Variants in SPOCK1 observed in about 807,000 individuals in gnomAD.
SPOCK1 encodes the protein testican-1.
Under a neutral mutation model 55.3 loss-of-function variants are expected in SPOCK1, and 23 were observed. The ratio of observed to expected loss-of-function variants is 0.42; its 90% confidence interval spans 0.30 to 0.59. The LOEUF (loss-of-function observed/expected upper bound fraction) is 0.59, where lower values mean the gene tolerates loss of function less well. Among genes scored for constraint, SPOCK1 ranks in the 20% least tolerant of loss-of-function variants. The pLI is 0.22. For synonymous variants in SPOCK1, 226 were observed against 221.0 expected (o/e 1.02, Z -0.20); for missense variants, 499 against 552.5 (o/e 0.90, Z 0.97).
At chr5:137,090,450 G>GGCACACAGGCA (rs1272421633) in intron 5 of SPOCK1, among the ~76,000 whole-genome samples, 1 of 152,176 alleles carries the variant, frequency 6.6e-6, no homozygotes, top group Non-Finnish European at 1.5e-5. Context: ...AGCATAGACT[G>GGCACACAGGCA]TTCAGGGAAC....
chr5:137,143,402 G>C (rs757452408), intron 3 of SPOCK1, among the ~76,000 whole-genome samples: 1 of 152,192 alleles, frequency 6.6e-6, no homozygotes, highest in Non-Finnish European at 1.5e-5. Flanking sequence ...TGAATCAGCT[G>C]AGCAGATCCG....
intron 2 of SPOCK1, among the ~76,000 whole-genome samples, chr5:137,464,298 T>C (rs1561542603): frequency 6.6e-6 from 1 of 152,058 alleles, no homozygotes; most frequent in Admixed American, 6.6e-5. Flanking sequence ...CAAGATCTTG[T>C]CTCAAATAAA....
Position 137,160,578 on chromosome 5 carries a change from ATATATATAATATATAATATAT to A in SPOCK1, c.233-19905_233-19885del, listed in dbSNP as rs1754520123. ...TATATTATATATTATATATTATATA[ATATATATAATATATAATATAT>A]TATATATAATATATAATATATATTT... is the stretch of plus-strand genomic sequence containing the variant. On this transcript the variant is annotated intron_variant, in intron 3 of 10. Transcript: ENST00000394945. Among the ~76,000 whole-genome samples, 6 of 47,080 alleles carry A rather than the reference ATATATATAATATATAATATAT, an allele frequency of 1.3e-4. 1 individual carries two copies. In the South Asian group the frequency reaches 3.5e-3, roughly 27 times the overall value. 30.9% of individuals were successfully genotyped at this position (47,080 alleles called of 152,430 possible).
chr5:137,494,416 C>T (rs966007966), intron 2 of SPOCK1, among the ~76,000 whole-genome samples: 1 of 152,158 alleles, frequency 6.6e-6, no homozygotes, highest in East Asian at 1.9e-4. Flanking sequence ...ATAGTTCCAG[C>T]CCCAGCTCCT....
intron 5 of SPOCK1, among the ~76,000 whole-genome samples, chr5:137,081,602 C>G (rs890291869): frequency 6.6e-6 from 1 of 152,192 alleles, no homozygotes; most frequent in African/African-American, 2.4e-5. Context: ...CTGAATAAAG[C>G]CTGCGTATGT....
chr5:137,033,017 C>T (rs2126986619), intron 6 of SPOCK1, among the ~76,000 whole-genome samples: 1 of 152,326 alleles, frequency 6.6e-6, no homozygotes, highest in Non-Finnish European at 1.5e-5. Flanking sequence ...AGTGGGCCCG[C>T]TAAATGGCTG....
At chr5:137,039,893 T>C (rs541016110) in intron 6 of SPOCK1, among the ~76,000 whole-genome samples, 6 of 152,222 alleles carry the variant, frequency 3.9e-5, no homozygotes, top group Non-Finnish European at 7.3e-5. Context: ...ATGGTAGCTT[T>C]CCTAAGGTTA....
intron 2 of SPOCK1, among the ~76,000 whole-genome samples, chr5:137,368,858 A>C (rs2127169695): frequency 6.6e-6 from 1 of 152,348 alleles, no homozygotes; most frequent in Admixed American, 6.5e-5. Flanking sequence ...GTATCTTATT[A>C]AAATGGCCTC....
intron 5 of SPOCK1, among the ~76,000 whole-genome samples, chr5:137,106,182 T>C (rs1753364846): frequency 6.7e-6 from 1 of 149,908 alleles, no homozygotes; most frequent in Non-Finnish European, 1.5e-5. Flanking sequence ...TGCTCCTTTC[T>C]GAGCTCCCAG....
chr5:137,095,170 A>T (rs186391207), intron 5 of SPOCK1, among the ~76,000 whole-genome samples: 1 of 152,284 alleles, frequency 6.6e-6, no homozygotes, highest in East Asian at 1.9e-4. Context: ...ATAACAACAT[A>T]AAAAATCAGT....
intron 2 of SPOCK1, among the ~76,000 whole-genome samples, chr5:137,320,851 G>A (rs981677619): frequency 6.6e-6 from 1 of 152,032 alleles, no homozygotes; most frequent in Admixed American, 6.6e-5. Flanking sequence ...AAAATTATAA[G>A]GCTCACAAAG....
chr5:137,229,312 CT>C (rs1389024103), intron 3 of SPOCK1, among the ~76,000 whole-genome samples: 1 of 152,122 alleles, frequency 6.6e-6, no homozygotes, highest in African/African-American at 2.4e-5. Flanking sequence ...TCAATGTGAA[CT>C]AGCTCAGCCA....
chr5:137,361,022 G>A (rs1172086576), intron 2 of SPOCK1, among the ~76,000 whole-genome samples: 1 of 152,162 alleles, frequency 6.6e-6, no homozygotes, highest in Non-Finnish European at 1.5e-5. Flanking sequence ...TGTTCGGGAG[G>A]TAATTAGGTT....
At chr5:137,121,307 A>T (rs983124768) in intron 4 of SPOCK1, among the ~76,000 whole-genome samples, 1 of 152,110 alleles carries the variant, frequency 6.6e-6, no homozygotes, top group Non-Finnish European at 1.5e-5. Flanking sequence ...ATTTTGAGAC[A>T]TTAAAGATCC....
At chr5:137,140,306 C>A (rs1754070056) in intron 4 of SPOCK1, among the ~76,000 whole-genome samples, 1 of 152,132 alleles carries the variant, frequency 6.6e-6, no homozygotes, top group Admixed American at 6.5e-5. Flanking sequence ...CAATCATGAC[C>A]AAGAAGGAAT....
chr5:137,387,041 T>C (rs937569400), intron 2 of SPOCK1, among the ~76,000 whole-genome samples: 1 of 152,076 alleles, frequency 6.6e-6, no homozygotes, highest in Non-Finnish European at 1.5e-5. Context: ...AGGTGGCAAA[T>C]AAGCCTATGA....
At chr5:137,147,907 G>A (rs1279241960) in intron 3 of SPOCK1, among the ~76,000 whole-genome samples, 2 of 152,218 alleles carry the variant, frequency 1.3e-5, no homozygotes, top group Non-Finnish European at 2.9e-5. Context: ...GAAAAGGCAA[G>A]TTGAAGATGA....
intron 5 of SPOCK1, among the ~76,000 whole-genome samples, chr5:137,100,339 C>T (rs1753238441): frequency 6.6e-6 from 1 of 152,122 alleles, no homozygotes; most frequent in Non-Finnish European, 1.5e-5. Context: ...TCTCCTTGTC[C>T]CTTGTTTGGT....
chr5:137,357,398 C>T (rs975314747), intron 2 of SPOCK1, among the ~76,000 whole-genome samples: 1 of 152,144 alleles, frequency 6.6e-6, no homozygotes, highest in Non-Finnish European at 1.5e-5. Context: ...CCCTGATGCA[C>T]ACTTTGTTCT....
Sources: gnomAD v4.1 joint callset for allele counts (sites outside exome capture counted in the v4.1 genomes callset) on GRCh38, gnomAD v4.1.1 for gene constraint, MANE v1.5 for transcripts, NCBI Gene and HGNC (gene_info 2026-07-23, HGNC 2026-07-21) for gene names.